Variants in FLI1 observed in about 807,000 individuals in gnomAD.
FLI1 encodes the protein Friend leukemia integration 1 transcription factor.
FLI1 carries 13 observed loss-of-function variants against 53.1 expected under a neutral mutation model. That is an observed-to-expected ratio of 0.24 (90% confidence interval 0.16 to 0.39). FLI1 has a LOEUF of 0.39. Ranked by LOEUF, FLI1 falls within the 10% of genes least tolerant of loss-of-function variation. FLI1 has a pLI of 1.00. For missense variants in FLI1, 424 were observed against 600.5 expected (o/e 0.71, Z 3.07); for synonymous variants, 244 against 236.7 (o/e 1.03, Z -0.28).
chr11:128,811,597 A>G lies in FLI1; in HGVS notation c.*609A>G, dbSNP rs147030479. On this transcript the variant is annotated 3_prime_UTR_variant, in exon 9 of 9. Coordinates refer to ENST00000527786, the MANE Select transcript of FLI1 (RefSeq NM_002017.5). ...CCCTCTCAGTGGACAGTATGCACTC[A>G]GCTGACCACTCTCTCTAGAAATAGT... is the stretch of plus-strand genomic sequence containing the variant. The G allele has an allele frequency of 1.4e-5, 3 of 217,628 alleles. No individual in the cohort carries two copies. Among genetic ancestry groups the G allele is most frequent in the African/African-American group, 6.7e-5 (3 of 44,540 alleles). 13.5% of individuals were successfully genotyped at this position (217,628 alleles called of 1,614,324 possible).
intron 1 of FLI1, among the ~76,000 whole-genome samples, chr11:128,723,932 G>C (rs1361729173): frequency 3.0e-5 from 3 of 99,664 alleles, no homozygotes; most frequent in Non-Finnish European, 6.2e-5. Context: ...CAATGGAGTT[G>C]ATTTTTTTTT....
At chr11:128,805,142 G>A (rs1299287874) in intron 5 of FLI1, 1 of 420,782 alleles carries the variant, frequency 2.4e-6, no homozygotes, top group Non-Finnish European at 4.2e-6. Flanking sequence ...CACATTCAGG[G>A]TTCTTCCCAT....
chr11:128,735,297 G>A (rs1939873808), intron 1 of FLI1, among the ~76,000 whole-genome samples: 1 of 152,150 alleles, frequency 6.6e-6, no homozygotes, highest in African/African-American at 2.4e-5. Flanking sequence ...AGAGACAGAG[G>A]CAGAGATGGA....
At chr11:128,799,835 C>T (rs1286851248) in intron 5 of FLI1, among the ~76,000 whole-genome samples, 2 of 152,194 alleles carry the variant, frequency 1.3e-5, no homozygotes, top group East Asian at 3.8e-4. Flanking sequence ...GCAGCTTCTG[C>T]AGGTTGGTGG....
chr11:128,745,187 T>C (rs182273032), intron 1 of FLI1, among the ~76,000 whole-genome samples: 45 of 152,048 alleles, frequency 3.0e-4, no homozygotes, highest in Admixed American at 2.4e-3. Flanking sequence ...AATAGGACCT[T>C]AAAATGCAGG....
At chr11:128,789,178 T>C (rs594287) in intron 5 of FLI1, among the ~76,000 whole-genome samples, 35,956 of 151,218 alleles carry the variant, frequency 0.24, 5,039 homozygotes, top group Non-Finnish European at 0.32. Flanking sequence ...GGTGTGTGAG[T>C]TTTCAAGTTG....
At chr11:128,751,910 G>A (rs960887948) in intron 1 of FLI1, among the ~76,000 whole-genome samples, 2 of 148,804 alleles carry the variant, frequency 1.3e-5, no homozygotes, top group African/African-American at 2.5e-5. Flanking sequence ...CATTCCACCC[G>A]GTTCAGCCTC....
intron 7 of FLI1, 88 bp from the exon 8 acceptor site, chr11:128,809,069 G>A (rs1212240773): frequency 1.1e-5 from 12 of 1,050,896 alleles, no homozygotes; most frequent in East Asian, 2.4e-5. Flanking sequence ...TGAAATAAAA[G>A]TATAAACCCT....
intron 5 of FLI1, among the ~76,000 whole-genome samples, chr11:128,800,884 T>C (rs904762130): frequency 3.9e-5 from 6 of 152,230 alleles, no homozygotes; most frequent in African/African-American, 1.4e-4. Flanking sequence ...CAAAGCTCTT[T>C]GGGTCACTCT....
chr11:128,721,601 G>A (rs1482473089), intron 1 of FLI1, among the ~76,000 whole-genome samples: 2 of 152,224 alleles, frequency 1.3e-5, no homozygotes, highest in Non-Finnish European at 2.9e-5. Context: ...ATGGGTGCAA[G>A]AGCATGCCTG....
intron 5 of FLI1, among the ~76,000 whole-genome samples, chr11:128,790,875 C>G (rs977011906): frequency 1.3e-5 from 2 of 152,158 alleles, no homozygotes; most frequent in African/African-American, 4.8e-5. Context: ...TGAAACGCAT[C>G]ACCATACATC....
In FLI1 at chr11:128,812,185, G is replaced by A. The variant is rs1201528134; in HGVS notation, c.*1197G>A. On this transcript the variant is annotated 3_prime_UTR_variant, in exon 9 of 9. Transcript: ENST00000527786. ...TTTAGATCTTTAATGCTTTGGAAAT[G>A]CGTGTAACAGTACTGCAATAATCAC... The A allele has an allele frequency of 4.6e-6, 1 of 218,304 alleles. No individual in the cohort carries two copies. The highest frequency in any genetic ancestry group is 2.2e-5 in the African/African-American group (1 of 44,512). 13.5% of individuals were successfully genotyped at this position (218,304 alleles called of 1,614,324 possible).
At chr11:128,804,315 T>TA (rs934611616) in intron 5 of FLI1, 31 of 152,384 alleles carry the variant, frequency 2.0e-4, no homozygotes, top group African/African-American at 7.5e-4. Flanking sequence ...GGATGGTTTT[T>TA]ATGGTTTCTT....
chr11:128,692,785 GGA>G (rs1937807387), upstream of FLI1: 1 of 152,216 alleles, frequency 6.6e-6, no homozygotes, highest in Admixed American at 6.5e-5. Context: ...AGCGTGGTCC[GGA>G]GAGCGTGGAC....
chr11:128,776,644 C>G (rs1263574957), intron 4 of FLI1, among the ~76,000 whole-genome samples: 4 of 152,304 alleles, frequency 2.6e-5, no homozygotes, highest in African/African-American at 9.6e-5. Context: ...GACCGAGGCT[C>G]TGTCTTCAGA....
In FLI1 at chr11:128,800,174, G is replaced by T. The variant is rs1160386157; in HGVS notation, c.656-5192G>T. On this transcript the variant is annotated intron_variant, in intron 5 of 8. Transcript: ENST00000527786. ...TCTGGCTACCAAATCCCCCTGCTCT[G>T]CTGGGAGCATGAGCAGCCTTGCCCA... 3.9e-5 allele frequency among the ~76,000 whole-genome samples: 6 copies of T among 152,164 alleles called. No individual in the cohort carries two copies. The South Asian group carries it at 8.3e-4, about 21-fold the overall frequency.
At chr11:128,764,317 G>A (rs946987818) in intron 2 of FLI1, among the ~76,000 whole-genome samples, 3 of 152,202 alleles carry the variant, frequency 2.0e-5, no homozygotes, top group Non-Finnish European at 2.9e-5. Flanking sequence ...CACACAAACA[G>A]AACTCGAGGA....
intron 1 of FLI1, among the ~76,000 whole-genome samples, chr11:128,731,393 T>C (rs951917712): frequency 1.3e-5 from 2 of 152,042 alleles, no homozygotes; most frequent in African/African-American, 4.8e-5. Context: ...CGAGCCAGTG[T>C]GCTTGTCTAA....
At chr11:128,769,857 C>G (rs991849471) in intron 3 of FLI1, among the ~76,000 whole-genome samples, 30 of 152,218 alleles carry the variant, frequency 2.0e-4, no homozygotes, top group African/African-American at 4.6e-4. Context: ...TGTATCGTCT[C>G]CCTCCTCACT....
Sources: gnomAD v4.1 joint callset for allele counts (sites outside exome capture counted in the v4.1 genomes callset) on GRCh38, gnomAD v4.1.1 for gene constraint, MANE v1.5 for transcripts, NCBI Gene and HGNC (gene_info 2026-07-23, HGNC 2026-07-21) for gene names.